Variants in BACH2 observed in about 807,000 individuals in gnomAD.
BACH2 encodes BACH transcriptional regulator 2.
A neutral mutation model predicts 61.8 loss-of-function variants in BACH2; 5 were observed. That is an observed-to-expected ratio of 0.08 (90% CI 0.04 to 0.17). The LOEUF (loss-of-function observed/expected upper bound fraction) is 0.17, where lower values mean the gene tolerates loss of function less well. Among genes scored for constraint, BACH2 ranks in the 10% least tolerant of loss-of-function variants. BACH2 has a pLI of 1.00. For missense variants in BACH2, 824 were observed against 1,091.1 expected (o/e 0.76, Z 3.45); for synonymous variants, 446 against 440.1 (o/e 1.01, Z -0.17).
intron 4 of BACH2, among the ~76,000 whole-genome samples, chr6:90,125,297 C>G (rs1227836377): frequency 6.6e-6 from 1 of 152,208 alleles, no homozygotes; most frequent in Non-Finnish European, 1.5e-5. Context: ...GATCACAGCT[C>G]TGGGATCAGC....
intron 5 of BACH2, among the ~76,000 whole-genome samples, chr6:90,079,616 T>G (rs576540370): frequency 2.6e-4 from 40 of 152,270 alleles, no homozygotes; most frequent in African/African-American, 9.6e-4. Flanking sequence ...ACAAATTATT[T>G]CCCAATATAC....
chr6:90,086,496 C>T (rs900370793), intron 5 of BACH2, among the ~76,000 whole-genome samples: 1 of 152,056 alleles, frequency 6.6e-6, no homozygotes, highest in African/African-American at 2.4e-5. Context: ...CCAGAAAGTA[C>T]AGAAGTTTCC....
intron 4 of BACH2, among the ~76,000 whole-genome samples, chr6:90,156,820 G>A (rs1218938860): frequency 6.6e-6 from 1 of 152,126 alleles, no homozygotes; most frequent in Admixed American, 6.5e-5. Flanking sequence ...GAAAAGTAGG[G>A]TCTAAAATAC....
chr6:90,295,834 G>C (rs1772343195), intron 1 of BACH2, among the ~76,000 whole-genome samples: 1 of 152,192 alleles, frequency 6.6e-6, no homozygotes, highest in Non-Finnish European at 1.5e-5. Context: ...TGCGCCGCGA[G>C]GCCCCCAGCT....
chr6:90,066,903 T>C (rs1780993479), intron 5 of BACH2, among the ~76,000 whole-genome samples: 1 of 152,210 alleles, frequency 6.6e-6, no homozygotes, highest in East Asian at 1.9e-4. Flanking sequence ...AGCTGTGCGA[T>C]GTTGGACAGA....
intron 5 of BACH2, among the ~76,000 whole-genome samples, chr6:90,049,473 C>T (rs1015899058): frequency 6.6e-6 from 1 of 152,050 alleles, no homozygotes; most frequent in Non-Finnish European, 1.5e-5. Context: ...CTGTGGAACC[C>T]CTGGGAATCC....
intron 4 of BACH2, among the ~76,000 whole-genome samples, chr6:90,127,977 C>A (rs573193788): frequency 6.6e-6 from 1 of 152,148 alleles, no homozygotes; most frequent in East Asian, 1.9e-4. Context: ...TGGAGCTAAC[C>A]CCAAGGAAAA....
intron 5 of BACH2, among the ~76,000 whole-genome samples, chr6:90,014,472 T>A (rs1246437368): frequency 3.8e-3 from 224 of 58,196 alleles, no homozygotes; most frequent in African/African-American, 9.9e-3. Context: ...ATATATATTT[T>A]TTTTTTTTTT....
intron 4 of BACH2, among the ~76,000 whole-genome samples, chr6:90,195,838 A>G (rs1185500554): frequency 6.6e-6 from 1 of 152,052 alleles, no homozygotes; most frequent in African/African-American, 2.4e-5. Context: ...GCTTTTTCCT[A>G]CTCTCAACCC....
intron 6 of BACH2, among the ~76,000 whole-genome samples, chr6:89,987,932 T>C (rs1442672505): frequency 2.0e-5 from 3 of 152,164 alleles, no homozygotes; most frequent in African/African-American, 4.8e-5. Flanking sequence ...AGTATTTTCA[T>C]TTACTCTGGA....
At chr6:90,120,681 AT>A (rs1783584751) in intron 4 of BACH2, among the ~76,000 whole-genome samples, 1 of 152,180 alleles carries the variant, frequency 6.6e-6, no homozygotes, top group African/African-American at 2.4e-5. Flanking sequence ...TTCAGAACCT[AT>A]CCAATAGAAA....
At chr6:90,123,065 T>C (rs1051711945) in intron 4 of BACH2, among the ~76,000 whole-genome samples, 3 of 152,142 alleles carry the variant, frequency 2.0e-5, no homozygotes, top group Non-Finnish European at 4.4e-5. Flanking sequence ...GAAATGAAAC[T>C]TTATGTTGGA....
intron 7 of BACH2, among the ~76,000 whole-genome samples, chr6:89,947,726 C>T (rs1181814375): frequency 6.6e-6 from 1 of 151,832 alleles, no homozygotes; most frequent in East Asian, 1.9e-4. Context: ...CCACGACGCC[C>T]AGCTAATTTT....
intron 3 of BACH2, among the ~76,000 whole-genome samples, chr6:90,218,923 G>GTA (rs1435951613): frequency 1.7e-5 from 2 of 120,734 alleles, no homozygotes; most frequent in South Asian, 4.9e-4. Context: ...TCCTTTCCGT[G>GTA]TGTGTGTGTG....
intron 4 of BACH2, among the ~76,000 whole-genome samples, chr6:90,122,308 C>T (rs889877899): frequency 5.9e-5 from 9 of 152,136 alleles, no homozygotes; most frequent in African/African-American, 1.9e-4. Flanking sequence ...AAATCTGTAG[C>T]GTGAAGCAAG....
rs1045938046 is a variant in BACH2 at position 90,252,528 on chromosome 6, T to C, written c.-290A>G. 1 of 152,210 alleles carries C rather than the reference T, an allele frequency of 6.6e-6. No individual in the cohort carries two copies. The highest frequency in any genetic ancestry group is 2.4e-5 in the African/African-American group (1 of 41,450). 9.4% of individuals were successfully genotyped at this position (152,210 alleles called of 1,614,324 possible). ...TAAAACTTACAATGATCAGAAAGCA[T>C]GCTTTCTTCTGGCTTTATCATTCAA... is the stretch of plus-strand genomic sequence containing the variant. On this transcript the variant is annotated 5_prime_UTR_variant, in exon 3 of 9. An upstream start codon of the reference 5' UTR is lost. Coordinates refer to ENST00000257749, the MANE Select transcript of BACH2 (RefSeq NM_021813.4).
intron 6 of BACH2, among the ~76,000 whole-genome samples, chr6:89,995,616 T>C (rs1294299813): frequency 1.3e-5 from 2 of 152,152 alleles, no homozygotes; most frequent in Admixed American, 6.5e-5. Context: ...TGTTTTGGTA[T>C]AATAATAGTG....
intron 5 of BACH2, among the ~76,000 whole-genome samples, chr6:90,071,515 T>C (rs1351833884): frequency 3.3e-5 from 5 of 152,212 alleles, no homozygotes; most frequent in Admixed American, 6.5e-5. Flanking sequence ...ATGGAAAAGA[T>C]TTTACAAAGA....
intron 6 of BACH2, among the ~76,000 whole-genome samples, chr6:89,971,000 G>T (rs1582117733): frequency 6.6e-6 from 1 of 152,330 alleles, no homozygotes; most frequent in Middle Eastern, 3.4e-3. Context: ...TCATCACATA[G>T]AATACATTTT....
Sources: allele counts gnomAD v4.1 joint callset (sites outside exome capture counted in the v4.1 genomes callset), GRCh38; gene constraint gnomAD v4.1.1; transcripts MANE v1.5; gene names NCBI Gene and HGNC (gene_info 2026-07-23, HGNC 2026-07-21).